Variants in SH3RF1 observed in about 807,000 individuals in gnomAD.
The protein encoded by SH3RF1 is E3 ubiquitin-protein ligase SH3RF1.
A neutral mutation model predicts 74.0 loss-of-function variants in SH3RF1; 32 were observed. That is an observed-to-expected ratio of 0.43 (90% confidence interval 0.33 to 0.58). The LOEUF (loss-of-function observed/expected upper bound fraction) is 0.58, where lower values mean the gene tolerates loss of function less well. Ranked by LOEUF, SH3RF1 falls within the 20% of genes least tolerant of loss-of-function variation. The probability of loss-of-function intolerance (pLI) is 0.05; values close to 1 mark genes in which losing one functional copy is unlikely to be tolerated. For missense variants in SH3RF1, 954 were observed against 1,130.9 expected, an observed-to-expected ratio of 0.84 and a Z score of 2.24; for synonymous variants, 396 against 439.6, an observed-to-expected ratio of 0.90 and a Z score of 1.24.
At chr4:169,143,258 AC>A (rs1579103939) in intron 4 of SH3RF1, among the ~76,000 whole-genome samples, 1 of 152,212 alleles carries the variant, frequency 6.6e-6, no homozygotes, top group African/African-American at 2.4e-5. Flanking sequence ...TTTTAATAAT[AC>A]ATTTTATTTA....
At chr4:169,205,132 T>C (rs1730230779) in intron 2 of SH3RF1, among the ~76,000 whole-genome samples, 1 of 152,234 alleles carries the variant, frequency 6.6e-6, no homozygotes, top group African/African-American at 2.4e-5. Context: ...ACTATTTATG[T>C]TCCAGTAAAT....
At position 169,218,495 on chromosome 4, in the gene SH3RF1, G is replaced by GTA. The variant is rs1037549022; in HGVS notation, c.393+50323_393+50324dup. The stretch of plus-strand genomic sequence containing the variant: ...AAATATATTATATATTTTATATATA[G>GTA]TATATATATATTTGCCCCCAAAACA... On this transcript the variant is annotated intron_variant, in intron 2 of 11. Transcript: ENST00000284637. 1.1e-3 allele frequency among the ~76,000 whole-genome samples: 164 copies of GTA among 143,618 alleles called. 1 individual carries two copies. The highest frequency in any genetic ancestry group is 4.2e-3 in the African/African-American group (163 of 39,196). The allele number at this position is 143,618 out of a possible 152,430, so 94.2% of individuals were successfully genotyped here.
intron 2 of SH3RF1, among the ~76,000 whole-genome samples, chr4:169,181,323 T>A (rs1347075881): frequency 1.4e-5 from 2 of 142,654 alleles, no homozygotes; most frequent in Non-Finnish European, 3.0e-5. Context: ...AGTGCAGTGG[T>A]GCCACCTCAA....
At chr4:169,136,723 A>T (rs1344285675) in intron 4 of SH3RF1, 103 bp from the exon 5 acceptor site, 1 of 1,286,308 alleles carries the variant, frequency 7.8e-7, no homozygotes, top group Non-Finnish European at 1.0e-6. Context: ...TAAAGTCACT[A>T]CTTTAAAGTT....
chr4:169,121,191 C>T (rs1170108102), intron 7 of SH3RF1, among the ~76,000 whole-genome samples: 1 of 152,168 alleles, frequency 6.6e-6, no homozygotes, highest in Non-Finnish European at 1.5e-5. Flanking sequence ...CAGAGGCCCT[C>T]CTGATTAAGA....
intron 2 of SH3RF1, among the ~76,000 whole-genome samples, chr4:169,168,315 A>C (rs948227236): frequency 6.6e-6 from 1 of 152,224 alleles, no homozygotes; most frequent in Non-Finnish European, 1.5e-5. Context: ...TACATAATGT[A>C]CTGTCACTCC....
At chr4:169,125,335 G>A (rs1212122415) in intron 6 of SH3RF1, among the ~76,000 whole-genome samples, 2 of 152,224 alleles carry the variant, frequency 1.3e-5, no homozygotes, top group East Asian at 3.9e-4. Flanking sequence ...ACTGGCAGGT[G>A]ACAATGCTAG....
At chr4:169,127,159 T>A (rs1224372922) in intron 6 of SH3RF1, among the ~76,000 whole-genome samples, 1 of 152,240 alleles carries the variant, frequency 6.6e-6, no homozygotes, top group African/African-American at 2.4e-5. Flanking sequence ...ATACATGTAA[T>A]ACCAGTATTG....
intron 2 of SH3RF1, among the ~76,000 whole-genome samples, chr4:169,172,454 T>TA (rs569831385): frequency 4.6e-5 from 7 of 152,276 alleles, no homozygotes; most frequent in Non-Finnish European, 1.0e-4. Flanking sequence ...TATCAGCATT[T>TA]AAATGTCATT....
intron 11 of SH3RF1, among the ~76,000 whole-genome samples, chr4:169,098,007 T>A (rs2126933000): frequency 6.6e-6 from 1 of 152,330 alleles, no homozygotes; most frequent in East Asian, 1.9e-4. Context: ...TAGAAGGGGA[T>A]CCTCCAGCCC....
intron 2 of SH3RF1, among the ~76,000 whole-genome samples, chr4:169,244,518 A>G (rs1730962481): frequency 1.3e-5 from 2 of 152,192 alleles, no homozygotes; most frequent in African/African-American, 4.8e-5. Context: ...CGTCAATGGC[A>G]GAATGTCAAT....
At chr4:169,165,916 G>T (rs745964401) in intron 2 of SH3RF1, among the ~76,000 whole-genome samples, 1 of 152,076 alleles carries the variant, frequency 6.6e-6, no homozygotes, top group African/African-American at 2.4e-5. Flanking sequence ...GGAATAGATG[G>T]GGATGAATCT....
intron 4 of SH3RF1, among the ~76,000 whole-genome samples, chr4:169,143,303 T>C (rs943389421): frequency 6.6e-6 from 1 of 152,252 alleles, no homozygotes; most frequent in Non-Finnish European, 1.5e-5. Flanking sequence ...CACTTCAACA[T>C]GTAATCCATG....
chr4:169,116,255 A>G lies in SH3RF1; in HGVS notation c.2139+14T>C. 3 of 1,579,380 alleles carry G rather than the reference A, an allele frequency of 1.9e-6. No individual in the cohort carries two copies. Among genetic ancestry groups the G allele is most frequent in the Non-Finnish European group, 2.6e-6 (3 of 1,160,564 alleles). The stretch of plus-strand genomic sequence containing the variant: ...TAAGTAAAGCAGAGAAACAGTAAGT[A>G]AGTATGGTCTTACTTTGCTATCCTT... On this transcript the variant is annotated intron_variant, in intron 10 of 11. Coordinates refer to ENST00000284637, the MANE Select transcript of SH3RF1 (RefSeq NM_020870.4).
intron 2 of SH3RF1, among the ~76,000 whole-genome samples, chr4:169,167,929 G>A (rs1355081401): frequency 6.6e-6 from 1 of 152,122 alleles, no homozygotes; most frequent in African/African-American, 2.4e-5. Flanking sequence ...TTGAGGCTGG[G>A]AGTTCAAGAT....
intron 2 of SH3RF1, among the ~76,000 whole-genome samples, chr4:169,187,516 CTGTGTGTG>C (rs60705711): frequency 0.1 from 14,547 of 143,980 alleles, 827 homozygotes; most frequent in African/African-American, 0.12. Context: ...CAACGAATTT[CTGTGTGTG>C]TGTGTGTGTG....
intron 4 of SH3RF1, among the ~76,000 whole-genome samples, chr4:169,137,094 G>C (rs1378251032): frequency 6.6e-6 from 1 of 152,126 alleles, no homozygotes; most frequent in Non-Finnish European, 1.5e-5. Context: ...AGAAGACAAA[G>C]AATAAAACCA....
intron 2 of SH3RF1, among the ~76,000 whole-genome samples, chr4:169,215,335 A>G (rs1243953677): frequency 6.6e-6 from 1 of 152,220 alleles, no homozygotes; most frequent in African/African-American, 2.4e-5. Flanking sequence ...TCTTTTATAC[A>G]TTGTTGCATT....
In SH3RF1 at chr4:169,116,564, C is replaced by T. The variant is rs771634079; in HGVS notation, c.1844G>A (p.Gly615Asp). 2 of 1,602,180 alleles carry T rather than the reference C, an allele frequency of 1.2e-6. No homozygotes were observed. Among genetic ancestry groups the T allele is most frequent in the Non-Finnish European group, 1.7e-6 (2 of 1,173,098 alleles). The change falls in exon 10 of 12, where the codon GGC becomes GAC. Residue 615 changes from glycine to aspartate, a missense_variant. Transcript: ENST00000284637. Reference protein sequence around the residue: ...VTPIQVQNAAGLSPASVGLSH... With the variant: ...VTPIQVQNAADLSPASVGLSH... Reference sequence around the variant, plus strand: ...CAGGCCCACAGATGCAGGGCTGAGGCCGGCGGCATTCTGTACCTGGATGGG... The same window carrying T: ...CAGGCCCACAGATGCAGGGCTGAGGTCGGCGGCATTCTGTACCTGGATGGG...
Sources: allele counts gnomAD v4.1 joint callset (sites outside exome capture counted in the v4.1 genomes callset), GRCh38; gene constraint gnomAD v4.1.1; transcripts MANE v1.5; gene names NCBI Gene and HGNC (gene_info 2026-07-23, HGNC 2026-07-21).